LRMDA: variants seen among roughly 807,000 people sequenced by gnomAD.
LRMDA encodes leucine rich melanocyte differentiation associated, also known as leucine-rich melanocyte differentiation-associated protein.
LRMDA carries 18 observed loss-of-function variants against 29.8 expected under a neutral mutation model. That is an observed-to-expected ratio of 0.60 (90% confidence interval 0.42 to 0.90). LRMDA has a LOEUF of 0.90. LRMDA is among the 40% of genes least tolerant of loss of function. LRMDA has a pLI of 0.00. For synonymous variants in LRMDA, 125 were observed against 109.4 expected, an observed-to-expected ratio of 1.14 and a Z score of -0.89; for missense variants, 273 against 273.9, an observed-to-expected ratio of 1.00 and a Z score of 0.02.
At chr10:75,785,850 C>G (rs1843463192) in intron 2 of LRMDA, among the ~76,000 whole-genome samples, 1 of 152,224 alleles carries the variant, frequency 6.6e-6, no homozygotes, top group African/African-American at 2.4e-5. Flanking sequence ...TTTTATCAAA[C>G]ATTGTGAAAA....
chr10:76,054,740 G>A (rs1259329600), intron 4 of LRMDA, among the ~76,000 whole-genome samples: 3 of 151,104 alleles, frequency 2.0e-5, no homozygotes, highest in Non-Finnish European at 2.9e-5. Flanking sequence ...ACAAGCAGAA[G>A]ACGGAAGTTT....
intron 2 of LRMDA, among the ~76,000 whole-genome samples, chr10:75,892,903 G>A (rs573233744): frequency 1.3e-5 from 2 of 152,268 alleles, no homozygotes; most frequent in East Asian, 1.9e-4. Context: ...AGCCCCCATG[G>A]GACAACTGTG....
intron 2 of LRMDA, among the ~76,000 whole-genome samples, chr10:75,653,468 T>C (rs890172407): frequency 1.3e-5 from 2 of 152,212 alleles, no homozygotes; most frequent in African/African-American, 4.8e-5. Flanking sequence ...AAATCTAATT[T>C]GAAATTAATT....
At chr10:76,119,405 A>G (rs1401330084) in intron 5 of LRMDA, among the ~76,000 whole-genome samples, 1 of 152,150 alleles carries the variant, frequency 6.6e-6, no homozygotes, top group African/African-American at 2.4e-5. Flanking sequence ...GAAAATGACT[A>G]GAAATCTCTC....
chr10:76,399,327 C>T (rs1386133015), intron 6 of LRMDA, among the ~76,000 whole-genome samples: 2 of 152,174 alleles, frequency 1.3e-5, no homozygotes, highest in Non-Finnish European at 2.9e-5. Flanking sequence ...TGGCTCTTGG[C>T]AGACTCGCAG....
chr10:75,591,946 A>C (rs1037279824), intron 2 of LRMDA, among the ~76,000 whole-genome samples: 3 of 151,930 alleles, frequency 2.0e-5, no homozygotes, highest in African/African-American at 7.3e-5. Flanking sequence ...AAAAGTCAAA[A>C]GAAGTGCAGT....
chr10:76,129,317 A>G (rs920079335), intron 5 of LRMDA, among the ~76,000 whole-genome samples: 1 of 152,074 alleles, frequency 6.6e-6, no homozygotes, highest in Non-Finnish European at 1.5e-5. Flanking sequence ...ACAGCCCTTG[A>G]CTTTTCAGGC....
intron 2 of LRMDA, among the ~76,000 whole-genome samples, chr10:75,772,869 T>TGGGGGGGGGGGGGGGGGG (rs1554824987): frequency 2.0e-5 from 1 of 49,782 alleles, no homozygotes; most frequent in Non-Finnish European, 4.4e-5. Context: ...GGGGGTGGGA[T>TGGGGGGGGGGGGGGGGGG]GGGGGGGGGC....
chr10:76,258,628 A>G (rs1473972730), intron 5 of LRMDA, among the ~76,000 whole-genome samples: 1 of 151,926 alleles, frequency 6.6e-6, no homozygotes, highest in Non-Finnish European at 1.5e-5. Flanking sequence ...TACCCTTCCC[A>G]GCCTCTTGTA....
chr10:76,312,805 T>C (rs533040817), intron 5 of LRMDA, among the ~76,000 whole-genome samples: 1 of 151,724 alleles, frequency 6.6e-6, no homozygotes, highest in South Asian at 2.1e-4. Flanking sequence ...AGAAGCAAAA[T>C]TAATTCATAT....
intron 6 of LRMDA, among the ~76,000 whole-genome samples, chr10:76,461,084 A>G (rs1245653243): frequency 1.3e-5 from 2 of 152,218 alleles, no homozygotes; most frequent in Non-Finnish European, 2.9e-5. Context: ...TAAGGACAAT[A>G]TAAAACACAA....
chr10:76,310,385 A>G (rs1840614585), intron 5 of LRMDA, among the ~76,000 whole-genome samples: 1 of 152,212 alleles, frequency 6.6e-6, no homozygotes, highest in African/African-American at 2.4e-5. Context: ...TTCCCAATTT[A>G]GAATGATTGG....
At chr10:76,516,977 C>T (rs915781617) in intron 6 of LRMDA, among the ~76,000 whole-genome samples, 4 of 152,014 alleles carry the variant, frequency 2.6e-5, no homozygotes, top group African/African-American at 9.7e-5. Flanking sequence ...TTAAAACCCA[C>T]AGTTAAATAG....
chr10:76,552,951 T>A (rs1843513174), intron 6 of LRMDA, among the ~76,000 whole-genome samples: 1 of 152,124 alleles, frequency 6.6e-6, no homozygotes, highest in South Asian at 2.1e-4. Flanking sequence ...AGCCCCAAGG[T>A]TATAACTTAA....
rs753933285 is a variant in LRMDA, at chr10:75,621,199, TACAC to T, written c.131+182728_131+182731del. 8.0e-4 allele frequency among the ~76,000 whole-genome samples: 109 copies of T among 136,744 alleles called. 2 individuals are homozygous for T. Among genetic ancestry groups the T allele is most frequent in the Admixed American group, 5.6e-3 (73 of 12,940 alleles). 89.7% of individuals were successfully genotyped at this position (136,744 alleles called of 152,430 possible). A position where few individuals can be genotyped will look rare whatever the true frequency, so the allele number is the denominator to read the frequency against. ...TTTTTATGGCTGAGTAGTATTCCATTACACACACACACACACACACACACACCCA... is the reference window on the plus strand; with the variant it reads ...TTTTTATGGCTGAGTAGTATTCCATTACACACACACACACACACACACCCA... On this transcript the variant is annotated intron_variant, in intron 2 of 6. Transcript: ENST00000611255.
chr10:76,064,546 C>T (rs55766514), intron 5 of LRMDA, among the ~76,000 whole-genome samples: 2,679 of 152,330 alleles, frequency 0.018, 42 homozygotes, highest in Non-Finnish European at 0.027. Flanking sequence ...TTCTTTGCTA[C>T]ACTTAATTGT....
chr10:75,924,930 G>A (rs777969106), intron 2 of LRMDA, among the ~76,000 whole-genome samples: 26 of 152,342 alleles, frequency 1.7e-4, no homozygotes, highest in Non-Finnish European at 3.4e-4. Flanking sequence ...ATTTAAGAGA[G>A]TCACATGCTC....
chr10:76,077,448 G>A (rs1052835541), intron 5 of LRMDA, among the ~76,000 whole-genome samples: 1 of 151,996 alleles, frequency 6.6e-6, no homozygotes, highest in Non-Finnish European at 1.5e-5. Flanking sequence ...TCTTTGTCAT[G>A]GCTAATGGCA....
intron 2 of LRMDA, among the ~76,000 whole-genome samples, chr10:75,562,045 G>A (rs1224022237): frequency 1.3e-5 from 2 of 151,928 alleles, no homozygotes; most frequent in Non-Finnish European, 2.9e-5. Flanking sequence ...TGTCTATTAG[G>A]TCCACTTGGT....
Sources: allele counts gnomAD v4.1 joint callset (sites outside exome capture counted in the v4.1 genomes callset), GRCh38; gene constraint gnomAD v4.1.1; transcripts MANE v1.5; gene names NCBI Gene and HGNC (gene_info 2026-07-23, HGNC 2026-07-21).